Variants in KCTD8 observed in about 807,000 individuals in gnomAD.
KCTD8 encodes BTB/POZ domain-containing protein KCTD8.
Under a neutral mutation model 31.5 loss-of-function variants are expected in KCTD8, and 27 were observed. That is an observed-to-expected ratio of 0.86 (90% confidence interval 0.63 to 1.18). The LOEUF (loss-of-function observed/expected upper bound fraction) is 1.18, where lower values mean the gene tolerates loss of function less well. KCTD8 is among the 50% of genes most tolerant of loss of function. The probability of loss-of-function intolerance (pLI) is 0.00; values close to 1 mark genes in which losing one functional copy is unlikely to be tolerated. For synonymous variants in KCTD8, 290 were observed against 280.0 expected (o/e 1.04, Z -0.36); for missense variants, 658 against 647.7 (o/e 1.02, Z -0.17).
rs189577571 is a variant in KCTD8 at position 44,228,140 on chromosome 4, A to G, written c.962-52890T>C. Among the ~76,000 whole-genome samples the G allele has an allele frequency of 3.2e-3, 487 of 152,232 alleles. 2 individuals are homozygous for G. The highest frequency in any genetic ancestry group is 5.2e-3 in the Non-Finnish European group (352 of 68,022). On this transcript the variant is annotated intron_variant, in intron 1 of 1. Transcript: ENST00000360029. ...TCAGTTTGCTAGGGCTGCCTTAACA[A>G]AGCTCCACAAACCAAGTTACTTAGA... is the stretch of plus-strand genomic sequence containing the variant.
rs764343485 is a variant in KCTD8 at position 44,448,177 on chromosome 4, T to C, written c.347A>G (p.Lys116Arg). The part of the protein sequence containing the change: ...FRYVLDYLRD[K>R]QLALPEHFPE... ...GAAGTGCTCCGGCAGCGCGAGTTGCTTGTCCCGCAGATAATCCAGCACGTA... is the reference window on the plus strand; with the variant it reads ...GAAGTGCTCCGGCAGCGCGAGTTGCCTGTCCCGCAGATAATCCAGCACGTA... The change falls in exon 1 of 2, where the codon AAG becomes AGG. Residue 116 changes from lysine (K) to arginine (R), a missense_variant. Physicochemically the swap from Lys to Arg is conservative, Grantham distance 26. Coordinates refer to ENST00000360029, the MANE Select transcript of KCTD8 (RefSeq NM_198353.3). This position sits in a 1 kb window ranked among gnomAD's most constrained non-coding sequence, Gnocchi z 4.1. 1.2e-6 allele frequency: 2 copies of C among 1,612,404 alleles called. No individual in the cohort carries two copies. Among genetic ancestry groups the C allele is most frequent in the South Asian group, 1.1e-5 (1 of 91,032 alleles).
At chr4:44,333,490 T>C (rs1281089765) in intron 1 of KCTD8, among the ~76,000 whole-genome samples, 1 of 152,114 alleles carries the variant, frequency 6.6e-6, no homozygotes, top group Non-Finnish European at 1.5e-5. Context: ...AAGGCAGAGC[T>C]GAGCACAAGC....
chr4:44,297,931 A>G (rs928646115), intron 1 of KCTD8, among the ~76,000 whole-genome samples: 1 of 152,152 alleles, frequency 6.6e-6, no homozygotes, highest in Non-Finnish European at 1.5e-5. Context: ...AAAGCACACA[A>G]TAGGATCAAC....
chr4:44,213,450 C>G (rs953265541), intron 1 of KCTD8, among the ~76,000 whole-genome samples: 1 of 152,064 alleles, frequency 6.6e-6, no homozygotes, highest in African/African-American at 2.4e-5. Context: ...AATTCCAATT[C>G]CAGTGTTTCT....
chr4:44,242,148 G>A (rs1426705440), intron 1 of KCTD8, among the ~76,000 whole-genome samples: 2 of 152,126 alleles, frequency 1.3e-5, no homozygotes, highest in Non-Finnish European at 2.9e-5. Context: ...GGAACAACAA[G>A]GGCTTACTAT....
intron 1 of KCTD8, among the ~76,000 whole-genome samples, chr4:44,177,272 C>T (rs150836208): frequency 4.7e-4 from 71 of 152,144 alleles, no homozygotes; most frequent in African/African-American, 1.7e-3. Flanking sequence ...CAAGACAACA[C>T]CCTAACCCCA....
intron 1 of KCTD8, among the ~76,000 whole-genome samples, chr4:44,206,843 T>C (rs762559464): frequency 5.3e-5 from 8 of 152,334 alleles, no homozygotes; most frequent in African/African-American, 1.7e-4. Context: ...TTGTGAAGGA[T>C]TGTTTTAAGG....
chr4:44,274,713 A>C (rs959647929), intron 1 of KCTD8, among the ~76,000 whole-genome samples: 2 of 151,908 alleles, frequency 1.3e-5, no homozygotes, highest in Non-Finnish European at 2.9e-5. Context: ...TCTAGACTGG[A>C]AAGTATATCC....
At chr4:44,225,695 T>C (rs1181013154) in intron 1 of KCTD8, among the ~76,000 whole-genome samples, 2 of 152,142 alleles carry the variant, frequency 1.3e-5, no homozygotes, top group African/African-American at 4.8e-5. Context: ...GAAATATATA[T>C]ATTTTTAATT....
At chr4:44,205,253 A>G (rs1714268093) in intron 1 of KCTD8, among the ~76,000 whole-genome samples, 1 of 152,228 alleles carries the variant, frequency 6.6e-6, no homozygotes, top group African/African-American at 2.4e-5. Flanking sequence ...GCCTTCCTAG[A>G]TACCAAAGCA....
At chr4:44,365,455 C>T (rs1008651314) in intron 1 of KCTD8, among the ~76,000 whole-genome samples, 1 of 151,944 alleles carries the variant, frequency 6.6e-6, no homozygotes, top group South Asian at 2.1e-4. Context: ...TTTTAAGATT[C>T]TTTAGCTATT....
At chr4:44,446,690 T>C (rs1451090433) in intron 1 of KCTD8, among the ~76,000 whole-genome samples, 2 of 152,166 alleles carry the variant, frequency 1.3e-5, no homozygotes, top group Admixed American at 6.5e-5. Context: ...AATCGCTCTA[T>C]TTATTCACCC....
chr4:44,268,418 C>A (rs1200049301), intron 1 of KCTD8, among the ~76,000 whole-genome samples: 1 of 152,088 alleles, frequency 6.6e-6, no homozygotes. Flanking sequence ...CTATCTAGGA[C>A]AAACCCACAG....
chr4:44,293,024 C>A (rs1717325989), intron 1 of KCTD8, among the ~76,000 whole-genome samples: 2 of 152,098 alleles, frequency 1.3e-5, no homozygotes, highest in African/African-American at 4.8e-5. Flanking sequence ...TAGATAAGGG[C>A]TTGTAGATAA....
intron 1 of KCTD8, among the ~76,000 whole-genome samples, chr4:44,385,250 A>G (rs1439927979): frequency 6.6e-6 from 1 of 151,592 alleles, no homozygotes; most frequent in African/African-American, 2.4e-5. Context: ...ATCTCATGGG[A>G]CCTAAATAAC....
chr4:44,356,230 C>T (rs1219444136), intron 1 of KCTD8, among the ~76,000 whole-genome samples: 2 of 152,126 alleles, frequency 1.3e-5, no homozygotes, highest in African/African-American at 4.8e-5. Flanking sequence ...TAATATTTTA[C>T]CTGCTTTACC....
intron 1 of KCTD8, among the ~76,000 whole-genome samples, chr4:44,252,780 T>C: frequency 6.6e-6 from 1 of 151,892 alleles, no homozygotes; most frequent in African/African-American, 2.4e-5. Flanking sequence ...CAATCACACA[T>C]AAATGTCTTA....
At chr4:44,378,323 T>G (rs1719971138) in intron 1 of KCTD8, among the ~76,000 whole-genome samples, 1 of 150,078 alleles carries the variant, frequency 6.7e-6, no homozygotes, top group South Asian at 2.1e-4. Context: ...TGCTTTATTT[T>G]TCACTGAATA....
chr4:44,438,858 A>T (rs1721746984), intron 1 of KCTD8, among the ~76,000 whole-genome samples: 2 of 152,204 alleles, frequency 1.3e-5, no homozygotes, highest in Admixed American at 6.5e-5. Context: ...CCCTGATACC[A>T]TCTGTGCCTG....
Sources: allele counts gnomAD v4.1 joint callset (sites outside exome capture counted in the v4.1 genomes callset), GRCh38; gene constraint gnomAD v4.1.1; non-coding constraint Gnocchi (gnomAD v3.1); transcripts MANE v1.5; gene names NCBI Gene and HGNC (gene_info 2026-07-23, HGNC 2026-07-21).